Variants in CLVS1 observed in about 807,000 individuals in gnomAD.
CLVS1 encodes the protein clavesin-1.
CLVS1 carries 10 observed loss-of-function variants against 33.1 expected under a neutral mutation model. The ratio of observed to expected loss-of-function variants is 0.30; its 90% CI spans 0.19 to 0.51. The LOEUF (loss-of-function observed/expected upper bound fraction) is 0.51. Ranked by LOEUF, CLVS1 falls within the 20% of genes least tolerant of loss-of-function variation. CLVS1 has a pLI of 0.97. For synonymous variants in CLVS1, 163 were observed against 166.1 expected (o/e 0.98, Z 0.14); for missense variants, 343 against 433.4 (o/e 0.79, Z 1.85).
At chr8:61,372,861 A>C (rs1183321297) in intron 2 of CLVS1, among the ~76,000 whole-genome samples, 2 of 152,220 alleles carry the variant, frequency 1.3e-5, no homozygotes, top group African/African-American at 4.8e-5. Flanking sequence ...ATAGAGGTCA[A>C]GTGCCATTTT....
intron 2 of CLVS1, among the ~76,000 whole-genome samples, chr8:61,230,901 C>T (rs1031235753): frequency 1.3e-5 from 2 of 152,050 alleles, no homozygotes; most frequent in African/African-American, 4.8e-5. Context: ...GATGTGTGCT[C>T]ACATAGTGGA....
intron 1 of CLVS1, among the ~76,000 whole-genome samples, chr8:61,105,935 G>C (rs974448135): frequency 6.6e-6 from 1 of 152,096 alleles, no homozygotes; most frequent in Non-Finnish European, 1.5e-5. Flanking sequence ...CCCGCCCTGC[G>C]TCTGTCTGCC....
Position 61,074,248 on chromosome 8 carries a change from G to A in CLVS1, c.-243+17018G>A, listed in dbSNP as rs139542450. Among the ~76,000 whole-genome samples the A allele has an allele frequency of 6.6e-3, 986 of 150,420 alleles. 8 individuals carry two copies. Among genetic ancestry groups the A allele is most frequent in the African/African-American group, 0.021 (876 of 41,170 alleles). ...AGCTACTTGGGAGGCTGAGGTGAGA[G>A]GACTGATTGAGCCAGGGAGGTAGAA... is the stretch of plus-strand genomic sequence containing the variant. On this transcript the variant is annotated intron_variant, in intron 1 of 2. Transcript: ENST00000522621.
chr8:61,158,800 T>C (rs1057045887), intron 2 of CLVS1, among the ~76,000 whole-genome samples: 3 of 152,178 alleles, frequency 2.0e-5, no homozygotes, highest in African/African-American at 4.8e-5. Context: ...TATACAGTAA[T>C]AAAATAATTC....
At chr8:61,134,208 C>G (rs1380477045) in intron 2 of CLVS1, among the ~76,000 whole-genome samples, 1 of 152,138 alleles carries the variant, frequency 6.6e-6, no homozygotes, top group Admixed American at 6.5e-5. Context: ...GTGTTGATCA[C>G]TCCACTCTGC....
intron 3 of CLVS1, among the ~76,000 whole-genome samples, chr8:61,443,519 G>A (rs985807872): frequency 6.6e-6 from 1 of 151,974 alleles, no homozygotes; most frequent in African/African-American, 2.4e-5. Context: ...CCACTGGAGT[G>A]CTTTTATACC....
chr8:61,426,498 G>A (rs961237985), intron 3 of CLVS1, among the ~76,000 whole-genome samples: 6 of 152,152 alleles, frequency 3.9e-5, no homozygotes, highest in Non-Finnish European at 5.9e-5. Context: ...TATGTATGAC[G>A]ATTGATAGGA....
chr8:61,172,202 C>T (rs139985828), intron 2 of CLVS1, among the ~76,000 whole-genome samples: 16 of 152,244 alleles, frequency 1.1e-4, no homozygotes, highest in Middle Eastern at 3.4e-3. Flanking sequence ...TTCCAGGTTA[C>T]ATAAAAGGCA....
intron 2 of CLVS1, among the ~76,000 whole-genome samples, chr8:61,209,298 G>T (rs1289068072): frequency 6.6e-6 from 1 of 152,184 alleles, no homozygotes; most frequent in Non-Finnish European, 1.5e-5. Flanking sequence ...CTGCAGTGTT[G>T]GCTGCCCAGG....
chr8:61,357,149 C>G (rs982826544), intron 2 of CLVS1, among the ~76,000 whole-genome samples: 2 of 152,050 alleles, frequency 1.3e-5, no homozygotes, highest in African/African-American at 2.4e-5. Context: ...AAGTTGGATT[C>G]CTAGGTATTT....
chr8:61,013,231 G>C, the CLVS1 span, among the ~76,000 whole-genome samples: 2 of 152,150 alleles, frequency 1.3e-5, no homozygotes, highest in Non-Finnish European at 2.9e-5. Context: ...GACTTGCAAC[G>C]TTCCTGAGCC....
rs556629405 is a variant in CLVS1 at position 61,193,185 on chromosome 8, C to T, written c.-152+61325C>T. Among the ~76,000 whole-genome samples, 5 of 152,228 alleles carry T rather than the reference C, an allele frequency of 3.3e-5. No homozygotes were observed. The East Asian group carries it at 9.6e-4, about 29-fold the overall frequency. On this transcript the variant is annotated intron_variant, in intron 2 of 2. Coordinates refer to the CLVS1 transcript ENST00000522621. ...CACATATACACCATGGAATACTATG[C>T]AGCCATAAAAAAGGGTGAGCTCATG... is the stretch of plus-strand genomic sequence containing the variant.
intron 2 of CLVS1, among the ~76,000 whole-genome samples, chr8:61,231,286 G>GCACACACACA (rs4033613): frequency 8.2e-4 from 123 of 150,078 alleles, no homozygotes; most frequent in African/African-American, 2.6e-3. Context: ...ACCTGTGCTT[G>GCACACACACA]CACACACACA....
chr8:61,473,709 A>T (rs1817815303), intron 5 of CLVS1, among the ~76,000 whole-genome samples: 1 of 152,228 alleles, frequency 6.6e-6, no homozygotes, highest in Admixed American at 6.5e-5. Flanking sequence ...AGTGAATAGA[A>T]TAAACAAGAT....
intron 2 of CLVS1, among the ~76,000 whole-genome samples, chr8:61,357,582 T>C (rs1812789114): frequency 7.1e-6 from 1 of 140,754 alleles, no homozygotes; most frequent in Non-Finnish European, 1.5e-5. Flanking sequence ...CTCGGCTCAC[T>C]GCAACCTTCC....
chr8:61,375,878 G>A (rs968155779), intron 2 of CLVS1, among the ~76,000 whole-genome samples: 1 of 152,150 alleles, frequency 6.6e-6, no homozygotes. Context: ...AAATCACGTG[G>A]CAAATGGGCA....
At chr8:61,385,733 G>A (rs1425631820) in intron 3 of CLVS1, among the ~76,000 whole-genome samples, 1 of 152,158 alleles carries the variant, frequency 6.6e-6, no homozygotes, top group Non-Finnish European at 1.5e-5. Context: ...TTTTCATAAT[G>A]TAACAGTGAA....
chr8:61,482,341 G>A (rs887690560), intron 5 of CLVS1, among the ~76,000 whole-genome samples: 1 of 152,228 alleles, frequency 6.6e-6, no homozygotes, highest in African/African-American at 2.4e-5. Context: ...AACAAAGCTG[G>A]ATGGAGAATG....
At chr8:61,155,859 G>C (rs1342612354) in intron 2 of CLVS1, among the ~76,000 whole-genome samples, 1 of 152,108 alleles carries the variant, frequency 6.6e-6, no homozygotes, top group East Asian at 1.9e-4. Context: ...TGTTACCCCA[G>C]GCACTCATCT....
Sources: gnomAD v4.1 joint callset for allele counts (sites outside exome capture counted in the v4.1 genomes callset) on GRCh38, gnomAD v4.1.1 for gene constraint, MANE v1.5 for transcripts, NCBI Gene and HGNC (gene_info 2026-07-23, HGNC 2026-07-21) for gene names.